SV2C: variants seen among roughly 807,000 people sequenced by gnomAD.
The protein encoded by SV2C is synaptic vesicle glycoprotein 2C.
In SV2C, 49 loss-of-function variants were observed where a neutral mutation model predicts 79.7. The ratio of observed to expected loss-of-function variants is 0.61; its 90% CI spans 0.49 to 0.78. The LOEUF is 0.78. Ranked by LOEUF, SV2C falls within the 30% of genes least tolerant of loss-of-function variation. The pLI is 0.00. For synonymous variants in SV2C, 334 were observed against 333.2 expected (o/e 1.00, Z -0.03); for missense variants, 833 against 912.9 (o/e 0.91, Z 1.13).
At chr5:75,967,713 C>A in the SV2C span, among the ~76,000 whole-genome samples, 1 of 152,228 alleles carries the variant, frequency 6.6e-6, no homozygotes, top group African/African-American at 2.4e-5. Context: ...ATCAAGGAGG[C>A]CTGCCTGCCT....
chr5:75,937,114 A>G, the SV2C span, among the ~76,000 whole-genome samples: 1 of 152,248 alleles, frequency 6.6e-6, no homozygotes, highest in Admixed American at 6.5e-5. Context: ...AAGACATTAA[A>G]AACATTGAGA....
At chr5:75,866,813 G>A in the SV2C span, among the ~76,000 whole-genome samples, 1 of 152,194 alleles carries the variant, frequency 6.6e-6, no homozygotes, top group Non-Finnish European at 1.5e-5. Context: ...AGGCAGAGGA[G>A]GGGCTTAGAG....
At chr5:76,079,862 G>A (rs1401686146), upstream of SV2C, 1 of 155,240 alleles carries the variant, frequency 6.4e-6, no homozygotes, top group Non-Finnish European at 1.5e-5. Context: ...AATTGATTGT[G>A]AATTCCTTGA....
intron 4 of SV2C, among the ~76,000 whole-genome samples, chr5:76,240,192 T>G (rs1341362776): frequency 6.6e-6 from 1 of 152,188 alleles, no homozygotes; most frequent in East Asian, 1.9e-4. Context: ...AGGGAGAACA[T>G]AGTGTTGGTT....
the SV2C span, among the ~76,000 whole-genome samples, chr5:75,997,754 T>A: frequency 6.6e-6 from 1 of 152,164 alleles, no homozygotes; most frequent in African/African-American, 2.4e-5. Flanking sequence ...GACTGTAAAC[T>A]AGTTCAACCA....
the SV2C span, chr5:76,075,548 C>G: frequency 4.5e-5 from 8 of 177,524 alleles, no homozygotes; most frequent in Non-Finnish European, 7.7e-5. Context: ...TGGAGTCATG[C>G]GTTGCACTGG....
chr5:75,938,174 C>A, the SV2C span, among the ~76,000 whole-genome samples: 2 of 152,174 alleles, frequency 1.3e-5, no homozygotes, highest in African/African-American at 4.8e-5. Flanking sequence ...TCTGCAATTT[C>A]TCATAGTTTA....
chr5:76,159,698 C>A (rs191735888), intron 2 of SV2C, among the ~76,000 whole-genome samples: 71 of 152,192 alleles, frequency 4.7e-4, no homozygotes, highest in African/African-American at 1.6e-3. Flanking sequence ...TGTCTCTCTT[C>A]TCTTCTTGTA....
intron 12 of SV2C, among the ~76,000 whole-genome samples, chr5:76,322,439 A>G (rs912988749): frequency 6.6e-6 from 1 of 152,202 alleles, no homozygotes; most frequent in African/African-American, 2.4e-5. Flanking sequence ...AAGAATCAAT[A>G]TAGTGAAAGT....
chr5:75,930,323 A>G, the SV2C span, among the ~76,000 whole-genome samples: 44 of 152,366 alleles, frequency 2.9e-4, 2 homozygotes, highest in Non-Finnish European at 5.0e-4. Flanking sequence ...TTATTCTGGA[A>G]AAAGACAGAA....
At chr5:75,869,448 A>G in the SV2C span, among the ~76,000 whole-genome samples, 1 of 152,194 alleles carries the variant, frequency 6.6e-6, no homozygotes, top group Non-Finnish European at 1.5e-5. Context: ...AAGAGTGGGA[A>G]GGACTGCATC....
chr5:76,238,025 CAT>C (rs1745664437), intron 4 of SV2C, among the ~76,000 whole-genome samples: 4 of 97,082 alleles, frequency 4.1e-5, no homozygotes, highest in Admixed American at 1.1e-4. Flanking sequence ...CACAATCACA[CAT>C]ACACACACAC....
intron 4 of SV2C, chr5:76,242,219 G>A (rs937917916): frequency 7.2e-6 from 7 of 974,656 alleles, no homozygotes; most frequent in Non-Finnish European, 1.2e-5. Flanking sequence ...AGACAACCTC[G>A]CGGATCTTCT....
the SV2C span, among the ~76,000 whole-genome samples, chr5:76,017,667 A>T: frequency 6.6e-6 from 1 of 152,148 alleles, no homozygotes; most frequent in Admixed American, 6.6e-5. Context: ...TCATTATTTA[A>T]CCAACACAAA....
chr5:76,297,880 C>T (rs992841005), intron 9 of SV2C, among the ~76,000 whole-genome samples: 18 of 152,078 alleles, frequency 1.2e-4, no homozygotes, highest in African/African-American at 4.1e-4. Flanking sequence ...AACTCCTTCC[C>T]GAGGAGAACA....
At chr5:75,921,421 C>T in the SV2C span, 68 of 802,490 alleles carry the variant, frequency 8.5e-5, no homozygotes, top group African/African-American at 3.7e-4. Flanking sequence ...GCTCATATTG[C>T]GTCTGGAGCC....
Position 76,083,455 on chromosome 5 carries a change from A to C in SV2C, c.-159A>C, listed in dbSNP as rs1011854885. On this transcript the variant is annotated 5_prime_UTR_variant, in exon 1 of 13. Transcript: ENST00000502798. ...GGAAGCGAGCCGGAGCGGCGCCCGC[A>C]CTGAGGCGGCTGCAGTGCTGACACC... 6.6e-6 allele frequency: 1 copy of C among 152,442 alleles called. No homozygotes were observed. Among genetic ancestry groups the C allele is most frequent in the Non-Finnish European group, 1.5e-5 (1 of 68,256 alleles). The allele number at this position is 152,442 out of a possible 1,614,324, so 9.4% of individuals were successfully genotyped here.
intron 2 of SV2C, among the ~76,000 whole-genome samples, chr5:76,171,730 T>G (rs866554734): frequency 1.0e-5 from 1 of 96,116 alleles, no homozygotes; most frequent in Non-Finnish European, 2.1e-5. Context: ...GCCCCCCGCC[T>G]GGCCAGCCGT....
intron 4 of SV2C, among the ~76,000 whole-genome samples, chr5:76,236,511 A>C (rs1370240815): frequency 6.6e-6 from 1 of 152,036 alleles, no homozygotes; most frequent in Non-Finnish European, 1.5e-5. Context: ...GCAATGATCC[A>C]AGATCGCATC....
Sources: gnomAD v4.1 joint callset for allele counts (sites outside exome capture counted in the v4.1 genomes callset) on GRCh38, gnomAD v4.1.1 for gene constraint, MANE v1.5 for transcripts, NCBI Gene and HGNC (gene_info 2026-07-23, HGNC 2026-07-21) for gene names.